MUL1: variants seen among roughly 807,000 people sequenced by gnomAD.
MUL1 encodes the protein mitochondrial ubiquitin ligase activator of NFKB 1.
In MUL1, 30 loss-of-function variants were observed where a neutral mutation model predicts 34.1. The ratio of observed to expected loss-of-function variants is 0.88; its 90% CI spans 0.66 to 1.19. The LOEUF (loss-of-function observed/expected upper bound fraction) is 1.19, where lower values mean the gene tolerates loss of function less well. Ranked by LOEUF, MUL1 falls within the 50% of genes most tolerant of loss-of-function variation. MUL1 has a pLI of 0.00. For synonymous variants in MUL1, 191 were observed against 187.8 expected (o/e 1.02, Z -0.14); for missense variants, 419 against 450.5 (o/e 0.93, Z 0.63).
At position 20,502,236 on chromosome 1, in the gene MUL1, CTCCTT is replaced by C. The variant is rs773771875; in HGVS notation, c.209-52_209-48del. 2.5e-6 allele frequency: 4 copies of C among 1,611,520 alleles called. No homozygotes were observed. In the African/African-American group the frequency reaches 5.3e-5, roughly 22 times the overall value. On this transcript the variant is annotated intron_variant, in intron 2 of 3. Coordinates refer to ENST00000264198, the MANE Select transcript of MUL1 (RefSeq NM_024544.3). ...TATTTCTGAAGAAGTTTTCTGCCCTCTCCTTTCAGATAATTTAAAATGTGTTTTCT... is the reference window on the plus strand; with the variant it reads ...TATTTCTGAAGAAGTTTTCTGCCCTCTCAGATAATTTAAAATGTGTTTTCT...
rs1412886167 is a variant in MUL1, at chr1:20,500,629, T to C, written c.*61A>G. On this transcript the variant is annotated 3_prime_UTR_variant, in exon 4 of 4. Coordinates refer to ENST00000264198, the MANE Select transcript of MUL1 (RefSeq NM_024544.3). ...CACTGCTCCTCCAAAGGCCTCGAGA[T>C]AAAAATCCCTGAAAAGGGGGCAGGG... 1 of 1,512,336 alleles carries C rather than the reference T, an allele frequency of 6.6e-7. No individual in the cohort carries two copies. Among genetic ancestry groups the C allele is most frequent in the East Asian group, 2.3e-5 (1 of 43,922 alleles). The allele number at this position is 1,512,336 out of a possible 1,614,324, so 93.7% of individuals were successfully genotyped here.
rs1333871517 is a variant in MUL1, at chr1:20,503,274, CT to C, written c.155del (p.Lys52ArgfsTer17). 1 of 1,606,990 alleles carries C rather than the reference CT, an allele frequency of 6.2e-7. No homozygotes were observed. The highest frequency in any genetic ancestry group is 1.7e-5 in the Admixed American group (1 of 58,980). ...AKKVHLGEDL[K>X]SILSEAPGKC... ...TTCCTGGAGCTTCTGAAAGAATACT[CT>C]TTAAATCTTCACCCAAATGAACTTT... On this transcript the variant is annotated frameshift_variant, in exon 2 of 4. Coordinates refer to ENST00000264198, the MANE Select transcript of MUL1 (RefSeq NM_024544.3). LOFTEE classifies it high-confidence loss of function.
chr1:20,500,534 A>T lies in MUL1; in HGVS notation c.*156T>A. ...GGGAAAGGCAGCATCCTGCCATTGG[A>T]GGCATGGGTCTGGAGAGTTTCTACC... On this transcript the variant is annotated 3_prime_UTR_variant, in exon 4 of 4. Coordinates refer to ENST00000264198, the MANE Select transcript of MUL1 (RefSeq NM_024544.3). 1 of 944,730 alleles carries T rather than the reference A, an allele frequency of 1.1e-6. No homozygotes were observed. The highest frequency in any genetic ancestry group is 1.5e-6 in the Non-Finnish European group (1 of 648,404). The allele number at this position is 944,730 out of a possible 1,614,324, so 58.5% of individuals were successfully genotyped here. A position where few individuals can be genotyped will look rare whatever the true frequency, so the allele number is the denominator to read the frequency against.
In MUL1 at chr1:20,502,062, T is replaced by A. The variant is rs756644227; in HGVS notation, c.329+7A>T. On this transcript the variant is annotated splice_region_variant and intron_variant, in intron 3 of 3. Coordinates refer to ENST00000264198, the MANE Select transcript of MUL1 (RefSeq NM_024544.3). ...AGGGTTTTGGCCAGTGGAGAAGTGATACATACCAAAGGTGGGTGGTTCGAT... is the reference window on the plus strand; with the variant it reads ...AGGGTTTTGGCCAGTGGAGAAGTGAAACATACCAAAGGTGGGTGGTTCGAT... 2.4e-5 allele frequency: 38 copies of A among 1,613,064 alleles called. No homozygotes were observed. Among genetic ancestry groups the A allele is most frequent in the Non-Finnish European group, 3.2e-5 (38 of 1,179,920 alleles).
intron 2 of MUL1, among the ~76,000 whole-genome samples, chr1:20,502,765 C>T (rs761186041): frequency 3.0e-4 from 46 of 152,176 alleles, no homozygotes; most frequent in Non-Finnish European, 3.1e-4. Context: ...AACTCCTGAG[C>T]TCAAGTGATC....
In MUL1 at chr1:20,507,562, G is replaced by A. The variant is rs117670534; in HGVS notation, c.120+343C>T. 2.0e-4 allele frequency among the ~76,000 whole-genome samples: 30 copies of A among 152,310 alleles called. No homozygotes were observed. The East Asian group carries it at 5.2e-3, about 26-fold the overall frequency. On this transcript the variant is annotated intron_variant, in intron 1 of 3. Coordinates refer to ENST00000264198, the MANE Select transcript of MUL1 (RefSeq NM_024544.3). ...GCCTGATTTACATGTTTGCTGTCTA[G>A]TCGTACTAAAATGGTATCTCCACGA...
rs575370270 is a variant in MUL1 at position 20,502,845 on chromosome 1, T to A, written c.208+377A>T. Among the ~76,000 whole-genome samples the A allele has an allele frequency of 2.6e-3, 389 of 151,030 alleles. 3 individuals are homozygous for A. The highest frequency in any genetic ancestry group is 8.2e-3 in the African/African-American group (336 of 41,152). On this transcript the variant is annotated intron_variant, in intron 2 of 3. Coordinates refer to ENST00000264198, the MANE Select transcript of MUL1 (RefSeq NM_024544.3). ...TACCACACCTGGCCTCAAAAAAAAA[T>A]TTTTTTTTTAATTTAAAAAATGTTA...
At chr1:20,505,775 C>T (rs369220155) in intron 1 of MUL1, among the ~76,000 whole-genome samples, 38 of 152,100 alleles carry the variant, frequency 2.5e-4, no homozygotes, top group African/African-American at 8.9e-4. Context: ...ATTTCATCCT[C>T]ATTTAGGAAC....
rs1281077866 is a variant in MUL1, at chr1:20,507,959, G to C, written c.66C>G (p.Thr22=). The change falls in exon 1 of 4, where the codon ACC becomes ACG. Residue 22 remains threonine, a synonymous_variant. Coordinates refer to ENST00000264198, the MANE Select transcript of MUL1 (RefSeq NM_024544.3). ...GCCGGTACACGGAGTACAGGGCGGC[G>C]GTGACCACAGAGGTGGTGCCCAGGA... ...FILLGTTSVV[T]AALYSVYRQK... is the part of the protein sequence containing the mutation. The C allele has an allele frequency of 1.9e-6, 3 of 1,595,430 alleles. No individual in the cohort carries two copies. The highest frequency in any genetic ancestry group is 1.3e-5 in the African/African-American group (1 of 74,836).
At position 20,506,376 on chromosome 1, in the gene MUL1, T is replaced by C. The variant is rs142373729; in HGVS notation, c.120+1529A>G. On this transcript the variant is annotated intron_variant, in intron 1 of 3. Coordinates refer to ENST00000264198, the MANE Select transcript of MUL1 (RefSeq NM_024544.3). ...AGACCCTGTCTCTGACCTAAAGAGG[T>C]CCATCTCTCTGGACCAGTCAGATAG... Among the ~76,000 whole-genome samples, 369 of 152,192 alleles carry C rather than the reference T, an allele frequency of 2.4e-3. 4 individuals carry two copies. Among genetic ancestry groups the C allele is most frequent in the African/African-American group, 8.3e-3 (344 of 41,516 alleles).
chr1:20,501,421 T>C lies in MUL1; in HGVS notation c.330-2A>G, dbSNP rs900226227. 3.7e-6 allele frequency: 6 copies of C among 1,609,370 alleles called. No homozygotes were observed. Among genetic ancestry groups the C allele is most frequent in the Middle Eastern group, 1.7e-4 (1 of 6,060 alleles). On this transcript the variant is annotated splice_acceptor_variant, in intron 3 of 3. Transcript: ENST00000264198. LOFTEE classifies it high-confidence loss of function. The surrounding 1 kb of genome is among the most constrained non-coding windows in gnomAD (Gnocchi z 4.2). ...TGAATGATCTTTGAGCAATCATTCCTAGAAGAATAAGAGAACTAAAGATAC... is the reference window on the plus strand; with the variant it reads ...TGAATGATCTTTGAGCAATCATTCCCAGAAGAATAAGAGAACTAAAGATAC...
In MUL1 at chr1:20,508,150, T is replaced by A; in HGVS notation, c.-126A>T. The A allele has an allele frequency of 7.2e-7, 1 of 1,383,736 alleles. No individual in the cohort carries two copies. The highest frequency in any genetic ancestry group is 9.6e-7 in the Non-Finnish European group (1 of 1,039,130). The allele number at this position is 1,383,736 out of a possible 1,614,324, so 85.7% of individuals were successfully genotyped here. On this transcript the variant is annotated 5_prime_UTR_variant, in exon 1 of 4. Transcript: ENST00000264198. The stretch of plus-strand genomic sequence containing the variant: ...AACCTGACCGGAAACTCGAAATCAG[T>A]CGCCCAGCGATGACGCACGACGCCG...
chr1:20,504,325 A>T (rs1233465293), intron 1 of MUL1, among the ~76,000 whole-genome samples: 1 of 152,188 alleles, frequency 6.6e-6, no homozygotes, highest in Non-Finnish European at 1.5e-5. Flanking sequence ...TGCTGTTTCA[A>T]AAATAAGAGA....
Position 20,500,944 on chromosome 1 carries a change from G to T in MUL1, c.805C>A (p.Arg269Ser). Residue 269 changes from arginine (R) to serine (S), a missense_variant, in exon 4 of 4, where the codon CGC becomes AGC. Arg to Ser is a moderately radical substitution (Grantham distance 110, BLOSUM62 -1). Coordinates refer to ENST00000264198, the MANE Select transcript of MUL1 (RefSeq NM_024544.3). ...LRKQYLQRQE[R>S]LRLKQMQEEF... Reference sequence around the variant, plus strand: ...TCCTGCATCTGCTTGAGGCGCAGGCGCTCCTGCCGCTGCAGATACTGCTTC... The same window carrying T: ...TCCTGCATCTGCTTGAGGCGCAGGCTCTCCTGCCGCTGCAGATACTGCTTC... 6.2e-7 allele frequency: 1 copy of T among 1,613,916 alleles called. No homozygotes were observed. The highest frequency in any genetic ancestry group is 8.5e-7 in the Non-Finnish European group (1 of 1,180,052).
Position 20,500,935 on chromosome 1 carries a change from G to A in MUL1, c.814C>T (p.Leu272Phe), listed in dbSNP as rs1044363783. The change falls in exon 4 of 4, where the codon CTC (leucine) becomes TTC (phenylalanine). Residue 272 changes from leucine (L) to phenylalanine (F), a missense_variant. Leu to Phe is a conservative substitution (Grantham distance 22). Transcript: ENST00000264198. ...TGGAACTCCTCCTGCATCTGCTTGA[G>A]GCGCAGGCGCTCCTGCCGCTGCAGA... is the stretch of plus-strand genomic sequence containing the variant. ...QYLQRQERLR[L>F]KQMQEEFQEH... The A allele has an allele frequency of 1.2e-6, 2 of 1,614,042 alleles. No individual in the cohort carries two copies. Among genetic ancestry groups the A allele is most frequent in the Non-Finnish European group, 8.5e-7 (1 of 1,180,054 alleles).
chr1:20,503,206 C>A lies in MUL1; in HGVS notation c.208+16G>T. The A allele has an allele frequency of 6.5e-7, 1 of 1,533,656 alleles. No individual in the cohort carries two copies. Among genetic ancestry groups the A allele is most frequent in the Non-Finnish European group, 8.9e-7 (1 of 1,125,740 alleles). ...GAAAAAGACGTTGTTTTCCATTGAC[C>A]AATAAGCAAACATACCTTCTATAAC... On this transcript the variant is annotated intron_variant, in intron 2 of 3. Transcript: ENST00000264198.
Position 20,501,295 on chromosome 1 carries a change from G to C in MUL1, c.454C>G (p.Leu152Val), listed in dbSNP as rs749306191. 26 of 1,614,048 alleles carry C rather than the reference G, an allele frequency of 1.6e-5. No individual in the cohort carries two copies. Among genetic ancestry groups the C allele is most frequent in the Non-Finnish European group, 1.9e-5 (23 of 1,180,042 alleles). Residue 152 changes from leucine to valine, a missense_variant, in exon 4 of 4, where the codon CTA (leucine) becomes GTA (valine). Coordinates refer to ENST00000264198, the MANE Select transcript of MUL1 (RefSeq NM_024544.3). This position sits in a 1 kb window ranked among gnomAD's most constrained non-coding sequence, Gnocchi z 4.2. ...TGGAACTTCTCATACACAGTCTCTAGACCCAGATCCACTGAGTCCAGGGGC... is the reference window on the plus strand; with the variant it reads ...TGGAACTTCTCATACACAGTCTCTACACCCAGATCCACTGAGTCCAGGGGC... ...LKPLDSVDLGLETVYEKFHPS... is the reference protein window; with the variant it reads ...LKPLDSVDLGVETVYEKFHPS...
Position 20,500,621 on chromosome 1 carries a change from C to A in MUL1, c.*69G>T. On this transcript the variant is annotated 3_prime_UTR_variant, in exon 4 of 4. Transcript: ENST00000264198. ...ACCCCCACCACTGCTCCTCCAAAGGCCTCGAGATAAAAATCCCTGAAAAGG... is the reference window on the plus strand; with the variant it reads ...ACCCCCACCACTGCTCCTCCAAAGGACTCGAGATAAAAATCCCTGAAAAGG... 6.6e-7 allele frequency: 1 copy of A among 1,511,224 alleles called. No homozygotes were observed. Among genetic ancestry groups the A allele is most frequent in the Admixed American group, 2.2e-5 (1 of 44,774 alleles). 93.6% of individuals were successfully genotyped at this position (1,511,224 alleles called of 1,614,324 possible). A position where few individuals can be genotyped will look rare whatever the true frequency, so the allele number is the denominator to read the frequency against.
In MUL1 at chr1:20,501,990, C is replaced by A; in HGVS notation, c.329+79G>T. The A allele has an allele frequency of 6.3e-7, 1 of 1,586,426 alleles. No homozygotes were observed. Among genetic ancestry groups the A allele is most frequent in the South Asian group, 1.1e-5 (1 of 89,008 alleles). ...AACCTGTCTCAGGAGAAGCTGAAGTCACGGCAACAGCACCCAGGACCCCAG... is the reference window on the plus strand; with the variant it reads ...AACCTGTCTCAGGAGAAGCTGAAGTAACGGCAACAGCACCCAGGACCCCAG... On this transcript the variant is annotated intron_variant, in intron 3 of 3. Transcript: ENST00000264198. The surrounding 1 kb of genome is among the most constrained non-coding windows in gnomAD (Gnocchi z 4.2).
Sources: allele counts gnomAD v4.1 joint callset (sites outside exome capture counted in the v4.1 genomes callset), GRCh38; gene constraint gnomAD v4.1.1; non-coding constraint Gnocchi (gnomAD v3.1); transcripts MANE v1.5; gene names NCBI Gene and HGNC (gene_info 2026-07-23, HGNC 2026-07-21).